The following IFT140 variants were observed in gnomAD, a reference collection of about 807,000 sequenced individuals.
IFT140 encodes intraflagellar transport 140, also known as intraflagellar transport protein 140 homolog.
Under a neutral mutation model 164.6 loss-of-function variants are expected in IFT140, and 133 were observed. That is an observed-to-expected ratio of 0.81 (90% CI 0.70 to 0.93). The LOEUF is 0.93. Ranked by LOEUF, IFT140 falls within the 40% of genes least tolerant of loss-of-function variation. The pLI, the probability that IFT140 is intolerant of heterozygous loss-of-function variation, is 0.00. For synonymous variants in IFT140, 860 were observed against 817.3 expected (o/e 1.05, Z -0.89); for missense variants, 2,045 against 1,972.3 (o/e 1.04, Z -0.70).
At chr16:1,552,535 C>T (rs1481510471) in intron 19 of IFT140, among the ~76,000 whole-genome samples, 1 of 152,190 alleles carries the variant, frequency 6.6e-6, no homozygotes, top group Non-Finnish European at 1.5e-5. Context: ...AGGCTCATTC[C>T]TTCACCCCAG....
intron 19 of IFT140, chr16:1,534,658 C>CCCG: frequency 6.6e-7 from 1 of 1,519,284 alleles, no homozygotes. Flanking sequence ...AGGCCTGGCC[C>CCCG]CTGCTCTGCC....
chr16:1,566,012 A>T (rs985243377), intron 16 of IFT140, 149 bp downstream of exon 16: 1 of 665,174 alleles, frequency 1.5e-6, no homozygotes, highest in Non-Finnish European at 2.6e-6. Flanking sequence ...CCACTGCCAG[A>T]GTGTGCTTCT....
chr16:1,581,755 CGGGGGGTGG>C (rs2034574738), intron 12 of IFT140, among the ~76,000 whole-genome samples: 1 of 22,484 alleles, frequency 4.4e-5, no homozygotes, highest in Non-Finnish European at 8.3e-5. Context: ...GGGAGGGGAG[CGGGGGGTGG>C]GGAGGGGAGG....
At chr16:1,519,250 C>T (rs1006691194) in intron 29 of IFT140, among the ~76,000 whole-genome samples, 4 of 152,180 alleles carry the variant, frequency 2.6e-5, no homozygotes, top group South Asian at 2.1e-4. Flanking sequence ...AAAGGTTCTC[C>T]GATAAGGAAA....
chr16:1,541,321 AC>A, intron 19 of IFT140: 1 of 984,612 alleles, frequency 1.0e-6, no homozygotes, highest in Non-Finnish European at 1.2e-6. Context: ...CCCATGTCTG[AC>A]CCCTGCTCAG....
intron 19 of IFT140, chr16:1,541,143 C>T (rs879524296): frequency 4.9e-5 from 48 of 985,356 alleles, no homozygotes; most frequent in Non-Finnish European, 5.7e-5. Context: ...GCCCTGCCCA[C>T]CTGGCTCCTG....
At chr16:1,555,120 G>A (rs570929164) in intron 19 of IFT140, 31 of 1,481,750 alleles carry the variant, frequency 2.1e-5, no homozygotes, top group African/African-American at 2.8e-5. Context: ...TCCCCTGCTC[G>A]TGCAGAGGCA....
Position 1,553,406 on chromosome 16 carries a change from C to T in IFT140, c.2399+4529G>A. 1 of 985,376 alleles carries T rather than the reference C, an allele frequency of 1.0e-6. No homozygotes were observed. The highest frequency in any genetic ancestry group is 4.7e-5 in the South Asian group (1 of 21,284). 61.0% of individuals were successfully genotyped at this position (985,376 alleles called of 1,614,324 possible). A position where few individuals can be genotyped will look rare whatever the true frequency, so the allele number is the denominator to read the frequency against. On this transcript the variant is annotated intron_variant, in intron 19 of 30. Transcript: ENST00000426508. The surrounding 1 kb of genome is among the most constrained non-coding windows in gnomAD (Gnocchi z 4.4). ...GCATGATTTGGTTTCCTGGGGAATG[C>T]AGGGGAGGCGGTTGGGAGTGGAGAG...
chr16:1,518,811 A>G (rs1042026756), intron 29 of IFT140, among the ~76,000 whole-genome samples: 1 of 151,950 alleles, frequency 6.6e-6, no homozygotes, highest in African/African-American at 2.4e-5. Flanking sequence ...GTGGCAGAGC[A>G]GGGTGTGTGG....
Position 1,520,049 on chromosome 16 carries a change from T to G in IFT140, c.3874-2A>C. 1 of 1,603,950 alleles carries G rather than the reference T, an allele frequency of 6.2e-7. No homozygotes were observed. The highest frequency in any genetic ancestry group is 8.5e-7 in the Non-Finnish European group (1 of 1,174,140). On this transcript the variant is annotated splice_acceptor_variant, in intron 28 of 30. Coordinates refer to ENST00000426508, the MANE Select transcript of IFT140 (RefSeq NM_014714.4). LOFTEE classifies it high-confidence loss of function. ...GTTCTGGTATTCATCAATCTCCACC[T>G]GTACAGATGAAACCCGTCAAGACCT...
At chr16:1,534,189 C>G in intron 19 of IFT140, 1 of 1,547,604 alleles carries the variant, frequency 6.5e-7, no homozygotes, top group East Asian at 2.3e-5. Flanking sequence ...CCTCTAGCCA[C>G]CCCTAGCAGC....
chr16:1,523,881 A>T lies in IFT140; in HGVS notation c.3217T>A (p.Tyr1073Asn), dbSNP rs2040595740. Residue 1073 changes from tyrosine to asparagine, a missense_variant, in exon 25 of 31, where the codon TAC becomes AAC. By Grantham distance (143) the Tyr-to-Asn change is moderately radical. Transcript: ENST00000426508. The stretch of plus-strand genomic sequence containing the variant: ...ATCTGCACGCCCTTCTCCTCGTAGT[A>T]TCGGGCCGCCTCGATCATGTCCTCG... ...SPEDMIEAARYYEEKGVQMDR... is the reference protein window; with the variant it reads ...SPEDMIEAARNYEEKGVQMDR... 1 of 1,613,390 alleles carries T rather than the reference A, an allele frequency of 6.2e-7. No individual in the cohort carries two copies. Among genetic ancestry groups the T allele is most frequent in the Non-Finnish European group, 8.5e-7 (1 of 1,180,022 alleles).
At chr16:1,513,908 C>T (rs551905637) in intron 30 of IFT140, among the ~76,000 whole-genome samples, 59 of 146,646 alleles carry the variant, frequency 4.0e-4, no homozygotes, top group Admixed American at 1.3e-3. Flanking sequence ...CTCCTGACCT[C>T]ATGATCTGCC....
chr16:1,586,066 C>G, intron 10 of IFT140, 64 bp downstream of exon 10: 1 of 1,594,760 alleles, frequency 6.3e-7, no homozygotes, highest in South Asian at 1.1e-5. Flanking sequence ...CCACCGCGCC[C>G]GGCCATGGTC....
At chr16:1,537,290 G>A (rs1160773692) in intron 19 of IFT140, among the ~76,000 whole-genome samples, 1 of 152,224 alleles carries the variant, frequency 6.6e-6, no homozygotes, top group African/African-American at 2.4e-5. Flanking sequence ...CGGGGTTTCC[G>A]GATGTCGCTG....
rs116641504 is a variant in IFT140 at position 1,559,794 on chromosome 16, C to T, written c.2200-1660G>A. The stretch of plus-strand genomic sequence containing the variant: ...AACATGCAAGGTAAGCAGAAAGTAT[C>T]GGTGCACAGACAATTGTACTGAAAA... On this transcript the variant is annotated intron_variant, in intron 18 of 30. Coordinates refer to ENST00000426508, the MANE Select transcript of IFT140 (RefSeq NM_014714.4). Among the ~76,000 whole-genome samples the T allele has an allele frequency of 3.0e-3, 464 of 152,270 alleles. 1 individual carries two copies. The highest frequency in any genetic ancestry group is 0.01 in the African/African-American group (420 of 41,538).
chr16:1,567,411 T>G (rs1481966896), intron 15 of IFT140, among the ~76,000 whole-genome samples: 1 of 151,756 alleles, frequency 6.6e-6, no homozygotes, highest in Non-Finnish European at 1.5e-5. Flanking sequence ...CTCTGCCCTC[T>G]GCTGTCCCCA....
At chr16:1,569,369 A>G (rs2141610760) in intron 14 of IFT140, among the ~76,000 whole-genome samples, 1 of 152,112 alleles carries the variant, frequency 6.6e-6, no homozygotes, top group East Asian at 1.9e-4. Context: ...TACTCATATC[A>G]TTCGGACTCA....
chr16:1,607,074 G>C, intron 3 of IFT140, 46 bp downstream of exon 3: 1 of 1,595,978 alleles, frequency 6.3e-7, no homozygotes, highest in East Asian at 2.2e-5. Flanking sequence ...CAAACAACAT[G>C]AGCCAGAAGC....
Sources: gnomAD v4.1 joint callset for allele counts (sites outside exome capture counted in the v4.1 genomes callset) on GRCh38, gnomAD v4.1.1 for gene constraint, Gnocchi (gnomAD v3.1) non-coding constraint, MANE v1.5 for transcripts, NCBI Gene and HGNC (gene_info 2026-07-23, HGNC 2026-07-21) for gene names.